Variants in ZCCHC7 observed in about 807,000 individuals in gnomAD.
ZCCHC7 encodes zinc finger CCHC-type containing 7.
In ZCCHC7, 35 loss-of-function variants were observed where a neutral mutation model predicts 52.0. The observed-to-expected ratio is 0.67, with a 90% CI of 0.51 to 0.89. ZCCHC7 has a LOEUF of 0.89. Ranked by LOEUF, ZCCHC7 falls within the 40% of genes least tolerant of loss-of-function variation. The probability of loss-of-function intolerance (pLI) is 0.00; values close to 1 mark genes in which losing one functional copy is unlikely to be tolerated. For missense variants in ZCCHC7, 574 were observed against 649.1 expected (o/e 0.88, Z 1.26); for synonymous variants, 217 against 221.5 (o/e 0.98, Z 0.18).
intron 6 of ZCCHC7, among the ~76,000 whole-genome samples, chr9:37,347,454 A>G (rs1264159455): frequency 6.6e-6 from 1 of 152,258 alleles, no homozygotes; most frequent in Non-Finnish European, 1.5e-5. Context: ...CTGCAATTAC[A>G]GTTACCTTTG....
chr9:37,301,094 T>C lies in ZCCHC7; in HGVS notation c.611-1094T>C, dbSNP rs543216662. On this transcript the variant is annotated intron_variant, in intron 2 of 8. Coordinates refer to ENST00000336755, the MANE Select transcript of ZCCHC7 (RefSeq NM_032226.3). ...TCAGAGTCTAATTTTTTTATTGTTA[T>C]AATGAAAGTCATGTAGAATGCAAAG... Among the ~76,000 whole-genome samples the C allele has an allele frequency of 2.0e-5, 3 of 152,322 alleles. No homozygotes were observed. The South Asian group carries it at 6.2e-4, about 32-fold the overall frequency.
intron 5 of ZCCHC7, among the ~76,000 whole-genome samples, chr9:37,313,810 C>T (rs1364687880): frequency 6.6e-6 from 1 of 152,176 alleles, no homozygotes; most frequent in Non-Finnish European, 1.5e-5. Flanking sequence ...CCTGAGGCCT[C>T]CTCAGCCATG....
At chr9:37,185,941 T>C (rs1200675644) in intron 2 of ZCCHC7, among the ~76,000 whole-genome samples, 1 of 137,356 alleles carries the variant, frequency 7.3e-6, no homozygotes, top group African/African-American at 2.7e-5. Flanking sequence ...TTTATTTATT[T>C]ATTTATTTTT....
At chr9:37,143,707 TTTG>T (rs1464960575) in intron 2 of ZCCHC7, among the ~76,000 whole-genome samples, 1 of 151,754 alleles carries the variant, frequency 6.6e-6, no homozygotes, top group African/African-American at 2.4e-5. Context: ...TTCACAAAAT[TTTG>T]TTATGATAAA....
At chr9:37,148,275 G>A (rs956812268) in intron 2 of ZCCHC7, among the ~76,000 whole-genome samples, 1 of 152,046 alleles carries the variant, frequency 6.6e-6, no homozygotes, top group African/African-American at 2.4e-5. Flanking sequence ...GATGAATCAG[G>A]TATAGACCCT....
intron 7 of ZCCHC7, among the ~76,000 whole-genome samples, chr9:37,353,813 C>A (rs561404960): frequency 6.6e-6 from 1 of 152,200 alleles, no homozygotes; most frequent in South Asian, 2.1e-4. Context: ...AAAATATATT[C>A]TAATTGTTTT....
chr9:37,195,702 A>G (rs1010020669), intron 2 of ZCCHC7, among the ~76,000 whole-genome samples: 2 of 152,222 alleles, frequency 1.3e-5, no homozygotes, highest in African/African-American at 4.8e-5. Context: ...GGCATATTTA[A>G]TGTAGTGAAG....
intron 2 of ZCCHC7, among the ~76,000 whole-genome samples, chr9:37,132,517 T>A (rs1281515776): frequency 6.6e-6 from 1 of 152,210 alleles, no homozygotes; most frequent in African/African-American, 2.4e-5. Flanking sequence ...GTCATTCATA[T>A]ATGTATGTAT....
chr9:37,279,634 G>C (rs1023298923), intron 2 of ZCCHC7, among the ~76,000 whole-genome samples: 17 of 151,674 alleles, frequency 1.1e-4, no homozygotes, highest in Middle Eastern at 3.2e-3. Flanking sequence ...CAAGGCAGGA[G>C]GATCCTTTAA....
At chr9:37,294,810 T>C (rs1828707804) in intron 2 of ZCCHC7, among the ~76,000 whole-genome samples, 1 of 152,294 alleles carries the variant, frequency 6.6e-6, no homozygotes, top group Non-Finnish European at 1.5e-5. Context: ...TCTCAGTCCA[T>C]AGAGCACTTT....
At chr9:37,246,796 G>A (rs768277246) in intron 2 of ZCCHC7, among the ~76,000 whole-genome samples, 1 of 152,098 alleles carries the variant, frequency 6.6e-6, no homozygotes, top group Non-Finnish European at 1.5e-5. Flanking sequence ...ACTGATTGCA[G>A]GAGCATCCAT....
At chr9:37,180,029 A>G (rs1822263271) in intron 2 of ZCCHC7, among the ~76,000 whole-genome samples, 1 of 152,168 alleles carries the variant, frequency 6.6e-6, no homozygotes, top group Non-Finnish European at 1.5e-5. Flanking sequence ...AAGGAGAAAG[A>G]TAGGAAAAAC....
At chr9:37,285,834 G>C (rs551970594) in intron 2 of ZCCHC7, among the ~76,000 whole-genome samples, 7 of 152,258 alleles carry the variant, frequency 4.6e-5, no homozygotes, top group African/African-American at 1.7e-4. Flanking sequence ...ACAGGTGATA[G>C]AGATACAACA....
intron 6 of ZCCHC7, among the ~76,000 whole-genome samples, chr9:37,347,510 A>C (rs1821064168): frequency 6.6e-6 from 1 of 152,246 alleles, no homozygotes. Flanking sequence ...ATACATGTGC[A>C]AAAGAATAAA....
chr9:37,224,002 CTTG>C (rs1184118079), intron 2 of ZCCHC7, among the ~76,000 whole-genome samples: 5 of 151,988 alleles, frequency 3.3e-5, no homozygotes, highest in Non-Finnish European at 4.4e-5. Context: ...TTATCAAATG[CTTG>C]TTTATACCCT....
intron 2 of ZCCHC7, among the ~76,000 whole-genome samples, chr9:37,177,731 G>T (rs1822120596): frequency 6.6e-6 from 1 of 152,090 alleles, no homozygotes; most frequent in South Asian, 2.1e-4. Flanking sequence ...TACCGCTGTG[G>T]TTTTCTTTTC....
chr9:37,160,259 CAG>C (rs1821022256), intron 2 of ZCCHC7: 1 of 152,238 alleles, frequency 6.6e-6, no homozygotes, highest in Admixed American at 6.5e-5. Context: ...CCTGTAATCC[CAG>C]CACTAAGGGA....
intron 2 of ZCCHC7, among the ~76,000 whole-genome samples, chr9:37,130,400 G>T (rs1414652078): frequency 7.7e-6 from 1 of 130,132 alleles, no homozygotes; most frequent in Non-Finnish European, 1.5e-5. Context: ...ATAGAGCAAG[G>T]CTAGTTTGGA....
chr9:37,257,024 G>A (rs910069039), intron 2 of ZCCHC7, among the ~76,000 whole-genome samples: 2 of 152,096 alleles, frequency 1.3e-5, no homozygotes, highest in Admixed American at 6.5e-5. Flanking sequence ...ATATATACAT[G>A]GGAGACACCC....
Sources: gnomAD v4.1 joint callset for allele counts (sites outside exome capture counted in the v4.1 genomes callset) on GRCh38, gnomAD v4.1.1 for gene constraint, MANE v1.5 for transcripts, NCBI Gene and HGNC (gene_info 2026-07-23, HGNC 2026-07-21) for gene names.